The following MYOF variants were observed in gnomAD, a reference collection of about 807,000 sequenced individuals.
MYOF encodes fer-1-like 3, myoferlin.
In MYOF, 244 loss-of-function variants were observed where a neutral mutation model predicts 284.2. That is an observed-to-expected ratio of 0.86 (90% CI 0.77 to 0.95). The LOEUF is 0.95. Among genes scored for constraint, MYOF ranks in the 40% least tolerant of loss-of-function variants. The pLI is 0.00. For synonymous variants in MYOF, 904 were observed against 919.7 expected (o/e 0.98, Z 0.31); for missense variants, 2,496 against 2,560.6 (o/e 0.97, Z 0.54).
intron 37 of MYOF, among the ~76,000 whole-genome samples, chr10:93,347,153 T>A (rs1844222889): frequency 6.6e-6 from 1 of 152,144 alleles, no homozygotes; most frequent in South Asian, 2.1e-4. Flanking sequence ...GAAAGTGCCA[T>A]AACCCACCGC....
Position 93,480,925 on chromosome 10 carries a change from G to A in MYOF, c.88+1182C>T, listed in dbSNP as rs373404129. Among the ~76,000 whole-genome samples the A allele has an allele frequency of 1.5e-4, 23 of 152,150 alleles. 1 individual carries two copies. Among genetic ancestry groups the A allele is most frequent in the Admixed American group, 1.4e-3 (21 of 15,268 alleles). Reference sequence around the variant, plus strand: ...ACAGGGAGTAGCAGTCAGGCTCCTGGAAGAAACGAGAAATGTAGCAAGGCA... The same window carrying A: ...ACAGGGAGTAGCAGTCAGGCTCCTGAAAGAAACGAGAAATGTAGCAAGGCA... On this transcript the variant is annotated intron_variant, in intron 1 of 53. Coordinates refer to ENST00000359263, the MANE Select transcript of MYOF (RefSeq NM_013451.4).
chr10:93,318,697 G>A (rs1465329905), intron 49 of MYOF, among the ~76,000 whole-genome samples: 1 of 152,140 alleles, frequency 6.6e-6, no homozygotes. Flanking sequence ...GGCAGAGGTT[G>A]TGGTGAGCTG....
At chr10:93,386,761 T>C (rs1343471309) in intron 19 of MYOF, among the ~76,000 whole-genome samples, 1 of 152,186 alleles carries the variant, frequency 6.6e-6, no homozygotes, top group Non-Finnish European at 1.5e-5. Flanking sequence ...GAAGAAGGGA[T>C]AGTTTCTGTT....
intron 21 of MYOF, 54 bp downstream of exon 21, chr10:93,379,809 A>C: frequency 6.2e-7 from 1 of 1,606,076 alleles, no homozygotes; most frequent in Non-Finnish European, 8.5e-7. Context: ...CTCCATCCTA[A>C]TACCTAATTC....
intron 41 of MYOF, 76 bp from the exon 42 acceptor site, chr10:93,333,989 C>T (rs889021980): frequency 1.4e-5 from 21 of 1,449,302 alleles, no homozygotes; most frequent in Admixed American, 8.9e-5. Flanking sequence ...TCCCCTCCTC[C>T]GCCAGGGGTG....
At chr10:93,349,257 T>A (rs943038401) in intron 36 of MYOF, among the ~76,000 whole-genome samples, 6 of 152,236 alleles carry the variant, frequency 3.9e-5, no homozygotes, top group African/African-American at 1.2e-4. Flanking sequence ...AGCTGTGAAC[T>A]GGATCTGATG....
chr10:93,408,489 A>T (rs1283811409), intron 7 of MYOF, among the ~76,000 whole-genome samples: 1 of 151,830 alleles, frequency 6.6e-6, no homozygotes, highest in Non-Finnish European at 1.5e-5. Context: ...GTGAGCCGAG[A>T]TCACGCCACT....
chr10:93,474,197 G>A (rs1211913430), intron 1 of MYOF, among the ~76,000 whole-genome samples: 1 of 152,100 alleles, frequency 6.6e-6, no homozygotes, highest in Non-Finnish European at 1.5e-5. Flanking sequence ...CATCTGTGCT[G>A]AGAAGCATTT....
intron 1 of MYOF, among the ~76,000 whole-genome samples, chr10:93,458,207 C>T (rs1421520284): frequency 6.6e-6 from 1 of 151,988 alleles, no homozygotes; most frequent in Non-Finnish European, 1.5e-5. Context: ...CAACAATTAG[C>T]TCTGTGTGGT....
intron 3 of MYOF, among the ~76,000 whole-genome samples, chr10:93,445,842 G>A (rs1183768417): frequency 6.6e-6 from 1 of 152,210 alleles, no homozygotes; most frequent in South Asian, 2.1e-4. Context: ...TTAAGCTGTA[G>A]AAAACCCTTC....
At chr10:93,308,516 C>T (rs1449438949) in intron 53 of MYOF, among the ~76,000 whole-genome samples, 18 of 139,014 alleles carry the variant, frequency 1.3e-4, no homozygotes, top group African/African-American at 3.5e-4. Context: ...ACCTGGGAGG[C>T]GGAGGTTGCA....
At chr10:93,380,378 A>G (rs1396474771) in intron 20 of MYOF, among the ~76,000 whole-genome samples, 1 of 152,238 alleles carries the variant, frequency 6.6e-6, no homozygotes, top group African/African-American at 2.4e-5. Flanking sequence ...GAACTGGGGC[A>G]AAAGAAAAGA....
At chr10:93,402,954 A>C in intron 9 of MYOF, 64 bp from the exon 10 acceptor site, 1 of 1,366,586 alleles carries the variant, frequency 7.3e-7, no homozygotes, top group Non-Finnish European at 1.0e-6. Flanking sequence ...CACTTTAAAG[A>C]AGCCATCATT....
intron 7 of MYOF, among the ~76,000 whole-genome samples, chr10:93,406,318 T>TATATA (rs1847584374): frequency 7.8e-5 from 3 of 38,682 alleles, no homozygotes; most frequent in South Asian, 1.3e-3. Context: ...ATATATATAT[T>TATATA]TGTTTTTATC....
chr10:93,474,908 G>A (rs2057226963), intron 1 of MYOF, among the ~76,000 whole-genome samples: 1 of 152,054 alleles, frequency 6.6e-6, no homozygotes, highest in African/African-American at 2.4e-5. Context: ...CACCATGCCT[G>A]GCTAAGTTTT....
Position 93,438,108 on chromosome 10 carries a change from A to T in MYOF, c.237-6592T>A, listed in dbSNP as rs138575758. Among the ~76,000 whole-genome samples the T allele has an allele frequency of 6.5e-3, 983 of 152,100 alleles. 6 individuals are homozygous for T. The highest frequency in any genetic ancestry group is 0.02 in the Middle Eastern group (6 of 294). ...CTCATTCTCTGCCATCCCCCACGTG[A>T]TGTCCTCAGCAAGAATCCTGTTAGG... On this transcript the variant is annotated intron_variant, in intron 3 of 53. Coordinates refer to ENST00000359263, the MANE Select transcript of MYOF (RefSeq NM_013451.4).
intron 40 of MYOF, among the ~76,000 whole-genome samples, chr10:93,337,104 A>G (rs2797586): frequency 0.66 from 99,413 of 150,690 alleles, 34,227 homozygotes; most frequent in East Asian, 0.97. Context: ...TACACTGAGA[A>G]GTTATGACAA....
chr10:93,409,173 C>G (rs1444931999), intron 6 of MYOF, among the ~76,000 whole-genome samples: 1 of 152,158 alleles, frequency 6.6e-6, no homozygotes, highest in African/African-American at 2.4e-5. Context: ...AAGGGCAGGG[C>G]AGGTGGAGGT....
In MYOF at chr10:93,389,070, G is replaced by A. The variant is rs374984115; in HGVS notation, c.1541C>T (p.Thr514Met). ...LNLYGSPREY[T>M]GFPDPYDELN... ...CTCATCATAGGGGTCTGGGAATCCC[G>A]TGTACTCTCTGGGGCTTCCATAAAG... Residue 514 changes from threonine to methionine, a missense_variant, in exon 18 of 54, where the codon ACG (threonine) becomes ATG (methionine). Transcript: ENST00000359263. 4.8e-5 allele frequency: 77 copies of A among 1,613,906 alleles called. 1 individual carries two copies. The Middle Eastern group carries it at 8.2e-4, about 17-fold the overall frequency.
Sources: gnomAD v4.1 joint callset for allele counts (sites outside exome capture counted in the v4.1 genomes callset) on GRCh38, gnomAD v4.1.1 for gene constraint, MANE v1.5 for transcripts, NCBI Gene and HGNC (gene_info 2026-07-23, HGNC 2026-07-21) for gene names.